Variants in KCNAB2 observed in about 807,000 individuals in gnomAD.
The protein encoded by KCNAB2 is potassium voltage-gated channel subfamily A regulatory beta subunit 2.
In KCNAB2, 29 loss-of-function variants were observed where a neutral mutation model predicts 63.6. That is an observed-to-expected ratio of 0.46 (90% CI 0.34 to 0.62). The LOEUF (loss-of-function observed/expected upper bound fraction) is 0.62. Among genes scored for constraint, KCNAB2 ranks in the 20% least tolerant of loss-of-function variants. The pLI, the probability that KCNAB2 is intolerant of heterozygous loss-of-function variation, is 0.01. For synonymous variants in KCNAB2, 222 were observed against 224.2 expected, an observed-to-expected ratio of 0.99 and a Z score of 0.09; for missense variants, 359 against 563.9, an observed-to-expected ratio of 0.64 and a Z score of 3.68.
chr1:6,030,184 T>A (rs980533550), upstream of KCNAB2, among the ~76,000 whole-genome samples: 4 of 152,242 alleles, frequency 2.6e-5, no homozygotes, highest in African/African-American at 9.6e-5. Context: ...TGTATAATGA[T>A]GCTGCTGGTA....
In KCNAB2 at chr1:6,071,754, C is replaced by T. The variant is rs1309897852; in HGVS notation, c.219-1001C>T. ...TCCTGCGGCGAGGGCTCCCTCCTGC[C>T]GCGTGGGCTCCTCCTGCCGCGTGGG... On this transcript the variant is annotated intron_variant, in intron 2 of 15. Transcript: ENST00000378083. This position sits in a 1 kb window ranked among gnomAD's most constrained non-coding sequence, Gnocchi z 8.5. 6.6e-6 allele frequency among the ~76,000 whole-genome samples: 1 copy of T among 151,490 alleles called. No individual in the cohort carries two copies. Among genetic ancestry groups the T allele is most frequent in the Non-Finnish European group, 1.5e-5 (1 of 67,780 alleles).
intron 1 of KCNAB2, among the ~76,000 whole-genome samples, chr1:6,000,477 T>G (rs1378250946): frequency 6.6e-6 from 1 of 152,130 alleles, no homozygotes; most frequent in Non-Finnish European, 1.5e-5. Flanking sequence ...CACCCTGTGC[T>G]GGGGCACTTC....
chr1:6,087,563 C>G lies in KCNAB2; in HGVS notation c.470+52C>G, dbSNP rs1664810859. On this transcript the variant is annotated intron_variant, in intron 7 of 15. Coordinates refer to ENST00000378083, the MANE Select transcript of KCNAB2 (RefSeq NM_001199862.2). The surrounding 1 kb of genome is among the most constrained non-coding windows in gnomAD (Gnocchi z 6.4). ...CAGCCCCGGCCCAGCAGCCACGGCC[C>G]CGTGCTCCCCAGAGACCCCTGACCT... The G allele has an allele frequency of 6.3e-7, 1 of 1,592,682 alleles. No homozygotes were observed. The highest frequency in any genetic ancestry group is 1.7e-5 in the Admixed American group (1 of 59,952).
Position 6,035,021 on chromosome 1 carries a change from G to A in KCNAB2, c.-53+227G>A, listed in dbSNP as rs1333256672. On this transcript the variant is annotated intron_variant, in intron 1 of 15. Coordinates refer to the KCNAB2 transcript ENST00000164247. This position sits in a 1 kb window ranked among gnomAD's most constrained non-coding sequence, Gnocchi z 5.0. The stretch of plus-strand genomic sequence containing the variant: ...AGGGACCAGGGAGTGTGGGGGAGAC[G>A]GGGACTGCGATGAAAGGGAGGCGTC... Among the ~76,000 whole-genome samples, 3 of 152,284 alleles carry A rather than the reference G, an allele frequency of 2.0e-5. No individual in the cohort carries two copies. The highest frequency in any genetic ancestry group is 3.9e-4 in the East Asian group (2 of 5,188).
At chr1:6,057,718 C>T (rs781202351) in intron 2 of KCNAB2, among the ~76,000 whole-genome samples, 2 of 152,158 alleles carry the variant, frequency 1.3e-5, no homozygotes, top group East Asian at 3.9e-4. Context: ...TCCTTTTTGC[C>T]TCCCCCAGTT....
rs148301257 is a variant in KCNAB2 at position 6,072,779 on chromosome 1, G to A, written c.243G>A (p.Arg81=). 1 of 1,613,934 alleles carries A rather than the reference G, an allele frequency of 6.2e-7. No individual in the cohort carries two copies. The highest frequency in any genetic ancestry group is 8.5e-7 in the Non-Finnish European group (1 of 1,179,868). The change falls in exon 3 of 16, where the codon CGG becomes CGA. Residue 81 remains arginine, a synonymous_variant. Coordinates refer to ENST00000378083, the MANE Select transcript of KCNAB2 (RefSeq NM_001199862.2). ...GGAACCTGGGCAAGTCTGGCCTGCG[G>A]GTCTCCTGCCTGGGACTTGGTGAGT... is the stretch of plus-strand genomic sequence containing the variant. ...KYRNLGKSGL[R]VSCLGLGTWV...
chr1:6,022,322 T>G (rs895890160), intron 1 of KCNAB2, among the ~76,000 whole-genome samples: 1 of 151,924 alleles, frequency 6.6e-6, no homozygotes, highest in Admixed American at 6.6e-5. Flanking sequence ...TCAGTGGTAT[T>G]GAGTGTACAG....
intron 2 of KCNAB2, among the ~76,000 whole-genome samples, chr1:6,065,657 T>C (rs1662681397): frequency 6.6e-6 from 1 of 152,088 alleles, no homozygotes. Flanking sequence ...CACCCGTCAC[T>C]CATCATCAGG....
At chr1:6,089,864 A>G (rs532689420) in intron 8 of KCNAB2, among the ~76,000 whole-genome samples, 106 of 152,026 alleles carry the variant, frequency 7.0e-4, no homozygotes, top group Middle Eastern at 3.4e-3. Flanking sequence ...CATCTGGTTA[A>G]TTTTTTTTGT....
At chr1:6,036,176 A>G (rs1295093) in intron 1 of KCNAB2, 147,760 of 152,402 alleles carry the variant, frequency 0.97, 71,657 homozygotes, top group East Asian at 1. Flanking sequence ...AATGGAAGGC[A>G]AGAAACAGTG....
chr1:6,089,343 A>G (rs1664981783), intron 8 of KCNAB2, among the ~76,000 whole-genome samples: 1 of 152,216 alleles, frequency 6.6e-6, no homozygotes, highest in Non-Finnish European at 1.5e-5. Flanking sequence ...ACCCTGCCCC[A>G]TGCCTCTGCC....
At chr1:6,031,609 G>A (rs1035132364), upstream of KCNAB2, among the ~76,000 whole-genome samples, 1 of 152,090 alleles carries the variant, frequency 6.6e-6, no homozygotes, top group Non-Finnish European at 1.5e-5. The surrounding 1 kb of genome is among the most constrained non-coding windows in gnomAD (Gnocchi z 4.1). Context: ...AGCCCTGGCC[G>A]GGTGCAGTGG....
intron 10 of KCNAB2, 119 bp from the exon 11 acceptor site, chr1:6,094,281 G>A: frequency 1.4e-6 from 1 of 714,406 alleles, no homozygotes; most frequent in Non-Finnish European, 2.4e-6. Flanking sequence ...CTGCTTGCAA[G>A]ACATCTTCGC....
chr1:6,092,536 T>G (rs1019363205), intron 10 of KCNAB2, among the ~76,000 whole-genome samples: 3 of 152,212 alleles, frequency 2.0e-5, no homozygotes, highest in African/African-American at 7.2e-5. Context: ...AAGCCTTGGC[T>G]GAGAAGAATC....
rs558582886 is a variant in KCNAB2, at chr1:6,022,581, C to T, written c.-52-17936C>T. Among the ~76,000 whole-genome samples the T allele has an allele frequency of 2.6e-5, 4 of 152,228 alleles. No individual in the cohort carries two copies. The South Asian group carries it at 6.2e-4, about 24-fold the overall frequency. The stretch of plus-strand genomic sequence containing the variant: ...ATATATGCACTACCATCACCACCAT[C>T]CATCTCCAGAACCTTTTTATTCTCC... On this transcript the variant is annotated intron_variant, in intron 1 of 16. Coordinates refer to the KCNAB2 transcript ENST00000341524.
chr1:6,041,755 G>A (rs370978857), upstream of KCNAB2: 5 of 1,320,972 alleles, frequency 3.8e-6, no homozygotes, highest in Middle Eastern at 1.8e-4. Context: ...TGCACCTGCT[G>A]GGGTTGATGC....
At position 6,100,190 on chromosome 1, in the gene KCNAB2, C is replaced by G; in HGVS notation, c.*1616C>G. On this transcript the variant is annotated 3_prime_UTR_variant, in exon 16 of 16. Coordinates refer to ENST00000378083, the MANE Select transcript of KCNAB2 (RefSeq NM_001199862.2). ...CCAAGGCCTGGGAAACTGTGAAAGT[C>G]AGAAAGGCCAGCGGGGAGAGGCTGG... 1 of 1,151,414 alleles carries G rather than the reference C, an allele frequency of 8.7e-7. No homozygotes were observed. Among genetic ancestry groups the G allele is most frequent in the East Asian group, 2.8e-5 (1 of 35,524 alleles). 71.3% of individuals were successfully genotyped at this position (1,151,414 alleles called of 1,614,324 possible).
chr1:6,026,794 G>T (rs1659216162), intron 1 of KCNAB2, among the ~76,000 whole-genome samples: 1 of 152,236 alleles, frequency 6.6e-6, no homozygotes, highest in Non-Finnish European at 1.5e-5. Context: ...GGAAGATGGA[G>T]AGCCATGTGG....
At chr1:6,084,609 A>G (rs567752198) in intron 5 of KCNAB2, among the ~76,000 whole-genome samples, 3 of 152,138 alleles carry the variant, frequency 2.0e-5, no homozygotes, top group African/African-American at 4.8e-5. Flanking sequence ...CGAGATGAGG[A>G]GTTCGAGACC....
Sources: gnomAD v4.1 joint callset for allele counts (sites outside exome capture counted in the v4.1 genomes callset) on GRCh38, gnomAD v4.1.1 for gene constraint, Gnocchi (gnomAD v3.1) non-coding constraint, MANE v1.5 for transcripts, NCBI Gene and HGNC (gene_info 2026-07-23, HGNC 2026-07-21) for gene names.